Variants in ART1 observed in about 807,000 individuals in gnomAD.
ART1 encodes GPI-linked NAD(P)(+)--arginine ADP-ribosyltransferase 1.
In ART1, 29 loss-of-function variants were observed where a neutral mutation model predicts 27.0. The observed-to-expected ratio is 1.08, with a 90% CI of 0.80 to 1.47. The LOEUF is 1.47. Ranked by LOEUF, ART1 falls within the 40% of genes most tolerant of loss-of-function variation. ART1 has a pLI of 0.00. For synonymous variants in ART1, 201 were observed against 172.2 expected, an observed-to-expected ratio of 1.17 and a Z score of -1.31; for missense variants, 480 against 423.0, an observed-to-expected ratio of 1.13 and a Z score of -1.18.
chr11:3,645,157 TC>T lies in ART1; in HGVS notation c.-71del. On this transcript the variant is annotated 5_prime_UTR_variant, in exon 1 of 5. An upstream open reading frame in the 5' UTR loses its in-frame stop. Transcript: ENST00000250693. Reference sequence around the variant, plus strand: ...GCCATGGTGGAGATCAGCAGCAGCTTCCCCACCCAGGACAAGGCCTAGGTAA... The same window carrying T: ...GCCATGGTGGAGATCAGCAGCAGCTTCCCACCCAGGACAAGGCCTAGGTAA... 6.6e-6 allele frequency: 1 copy of T among 152,040 alleles called. No homozygotes were observed. The highest frequency in any genetic ancestry group is 6.6e-5 in the Admixed American group (1 of 15,264). 9.4% of individuals were successfully genotyped at this position (152,040 alleles called of 1,614,324 possible). A position where few individuals can be genotyped will look rare whatever the true frequency, so the allele number is the denominator to read the frequency against.
intron 1 of ART1, among the ~76,000 whole-genome samples, chr11:3,658,015 G>A (rs61878554): frequency 0.074 from 11,316 of 152,020 alleles, 569 homozygotes; most frequent in Non-Finnish European, 0.11. Flanking sequence ...GTATGTGTAA[G>A]CATGTTTCCT....
In ART1 at chr11:3,659,833, C is replaced by T. The variant is rs35123761; in HGVS notation, c.314C>T (p.Pro105Leu). 0.031 allele frequency: 49,898 copies of T among 1,611,914 alleles called. 2,433 individuals carry two copies. The highest frequency in any genetic ancestry group is 0.2 in the African/African-American group (14,800 of 75,002). ...EWSLSPTRPS[P>L]PPLGFRDEHG... ...AGTCTCAGCCCCACCCGTCCATCCCCGCCACCCCTGGGCTTCCGCGATGAG... is the reference window on the plus strand; with the variant it reads ...AGTCTCAGCCCCACCCGTCCATCCCTGCCACCCCTGGGCTTCCGCGATGAG... The change falls in exon 3 of 5, where the codon CCG (proline) becomes CTG (leucine). Residue 105 changes from proline (P) to leucine (L), a missense_variant. By Grantham distance (98) the Pro-to-Leu change is moderately conservative. Coordinates refer to ENST00000250693, the MANE Select transcript of ART1 (RefSeq NM_004314.3).
At chr11:3,645,622 A>G (rs906865638) in intron 1 of ART1, among the ~76,000 whole-genome samples, 1 of 152,136 alleles carries the variant, frequency 6.6e-6, no homozygotes, top group Admixed American at 6.5e-5. Flanking sequence ...TGCGCTGAGA[A>G]AGTTCCTCAG....
At chr11:3,647,695 A>G (rs544268627) in intron 1 of ART1, among the ~76,000 whole-genome samples, 8 of 152,272 alleles carry the variant, frequency 5.3e-5, no homozygotes, top group Admixed American at 5.2e-4. Context: ...GGATACACAG[A>G]AACTTGGAAG....
Position 3,660,168 on chromosome 11 carries a change from A to G in ART1, c.649A>G (p.Thr217Ala), listed in dbSNP as rs199558962. ...TGCAGCCCAGCAGTTTGGTGAGGAC[A>G]CCTTCTTCGGCATCTGGACCTGCCT... ...HVAAQQFGED[T>A]FFGIWTCLGA... Residue 217 changes from threonine to alanine, a missense_variant, in exon 3 of 5, where the codon ACC becomes GCC. Physicochemically the swap from Thr to Ala is moderately conservative, Grantham distance 58 (BLOSUM62 0). Transcript: ENST00000250693. 6.8e-6 allele frequency: 11 copies of G among 1,613,876 alleles called. No individual in the cohort carries two copies. In the South Asian group the frequency reaches 1.2e-4, roughly 18 times the overall value.
intron 1 of ART1, among the ~76,000 whole-genome samples, chr11:3,657,439 G>A (rs949854841): frequency 5.3e-5 from 8 of 152,122 alleles, no homozygotes; most frequent in Non-Finnish European, 1.0e-4. Context: ...GCCAGGCATC[G>A]TGATGTGTGC....
rs750943398 is a variant in ART1 at position 3,660,334 on chromosome 11, A to T, written c.815A>T (p.His272Leu). The change falls in exon 3 of 5, where the codon CAC (histidine) becomes CTC (leucine). Residue 272 changes from histidine (H) to leucine (L), a missense_variant. By Grantham distance (99) the His-to-Leu change is moderately conservative. Transcript: ENST00000250693. ...ATCTACCTCCGAGCCCTGGGCAAGCACAGCACCTACAACTGCGAGTACATC... is the reference window on the plus strand; with the variant it reads ...ATCTACCTCCGAGCCCTGGGCAAGCTCAGCACCTACAACTGCGAGTACATC... ...ARIYLRALGK[H>L]STYNCEYIKD... The T allele has an allele frequency of 1.2e-6, 2 of 1,604,536 alleles. No homozygotes were observed. The highest frequency in any genetic ancestry group is 1.3e-5 in the African/African-American group (1 of 75,014).
In ART1 at chr11:3,660,284, C is replaced by A. The variant is rs1443616975; in HGVS notation, c.765C>A (p.Ser255Arg). ...PFETFQVINA[S>R]RLAQGPARIY... ...AGACCTTCCAAGTGATCAATGCCAG[C>A]AGACTGGCCCAGGGCCCCGCCCGCA... Residue 255 changes from serine (S) to arginine (R), a missense_variant, in exon 3 of 5, where the codon AGC becomes AGA. Transcript: ENST00000250693. 1 of 1,611,646 alleles carries A rather than the reference C, an allele frequency of 6.2e-7. No homozygotes were observed. The highest frequency in any genetic ancestry group is 1.3e-5 in the African/African-American group (1 of 74,904).
At chr11:3,654,615 T>A (rs2133955584) in intron 1 of ART1, among the ~76,000 whole-genome samples, 12 of 5,748 alleles carry the variant, frequency 2.1e-3, no homozygotes, top group Non-Finnish European at 4.0e-3. Flanking sequence ...CCTACCTCTG[T>A]CTATCCTCAC....
intron 1 of ART1, among the ~76,000 whole-genome samples, chr11:3,652,772 C>A (rs1204860507): frequency 6.6e-6 from 1 of 151,132 alleles, no homozygotes. Flanking sequence ...TTTCTCCAAG[C>A]CATCACAGCT....
chr11:3,648,338 T>G (rs1024734706), intron 1 of ART1, among the ~76,000 whole-genome samples: 10 of 152,162 alleles, frequency 6.6e-5, no homozygotes, highest in Non-Finnish European at 1.5e-4. Context: ...TCGGGGGACC[T>G]CCCTTAGGAG....
chr11:3,648,628 G>A (rs186294182), intron 1 of ART1, among the ~76,000 whole-genome samples: 5 of 152,268 alleles, frequency 3.3e-5, no homozygotes, highest in South Asian at 4.1e-4. Flanking sequence ...AAACTCCGGC[G>A]CCGGTCACGG....
rs370440270 is a variant in ART1, at chr11:3,664,413, C to T, written c.*224C>T. The T allele has an allele frequency of 1.8e-5, 9 of 509,142 alleles. No homozygotes were observed. Among genetic ancestry groups the T allele is most frequent in the African/African-American group, 7.8e-5 (4 of 51,092 alleles). 31.5% of individuals were successfully genotyped at this position (509,142 alleles called of 1,614,324 possible). On this transcript the variant is annotated 3_prime_UTR_variant, in exon 5 of 5. Transcript: ENST00000250693. Reference sequence around the variant, plus strand: ...TGAGACTCTGAATAAAGGGTTGGGCCGGCGGTGTGGCAGGTACTTCAAGAC... The same window carrying T: ...TGAGACTCTGAATAAAGGGTTGGGCTGGCGGTGTGGCAGGTACTTCAAGAC...
In ART1 at chr11:3,659,821, C is replaced by A; in HGVS notation, c.302C>A (p.Thr101Asn). 6.2e-7 allele frequency: 1 copy of A among 1,611,812 alleles called. No homozygotes were observed. Among genetic ancestry groups the A allele is most frequent in the Non-Finnish European group, 8.5e-7 (1 of 1,179,256 alleles). Residue 101 changes from threonine to asparagine, a missense_variant, in exon 3 of 5, where the codon ACC (threonine) becomes AAC (asparagine). Coordinates refer to ENST00000250693, the MANE Select transcript of ART1 (RefSeq NM_004314.3). ...TGGCCAGAGTGGAGTCTCAGCCCCA[C>A]CCGTCCATCCCCGCCACCCCTGGGC... is the stretch of plus-strand genomic sequence containing the variant. ...ARWPEWSLSP[T>N]RPSPPPLGFR...
At position 3,660,178 on chromosome 11, in the gene ART1, G is replaced by T. The variant is rs755793863; in HGVS notation, c.659G>T (p.Gly220Val). Residue 220 changes from glycine to valine, a missense_variant, in exon 3 of 5, where the codon GGC becomes GTC. Coordinates refer to ENST00000250693, the MANE Select transcript of ART1 (RefSeq NM_004314.3). ...AQQFGEDTFF[G>V]IWTCLGAPIK... The stretch of plus-strand genomic sequence containing the variant: ...CAGTTTGGTGAGGACACCTTCTTCG[G>T]CATCTGGACCTGCCTTGGGGCCCCT... The T allele has an allele frequency of 1.1e-5, 18 of 1,613,886 alleles. No individual in the cohort carries two copies. The South Asian group carries it at 1.9e-4, about 17-fold the overall frequency.
At chr11:3,656,950 C>G (rs1232551278) in intron 1 of ART1, among the ~76,000 whole-genome samples, 1 of 152,076 alleles carries the variant, frequency 6.6e-6, no homozygotes, top group Non-Finnish European at 1.5e-5. Context: ...ACTGCTAACC[C>G]CATTGTCCAG....
At position 3,664,087 on chromosome 11, in the gene ART1, T is replaced by G. The variant is rs1373036092; in HGVS notation, c.887-5T>G. The G allele has an allele frequency of 1.2e-6, 2 of 1,613,674 alleles. No homozygotes were observed. Among genetic ancestry groups the G allele is most frequent in the East Asian group, 2.2e-5 (1 of 44,884 alleles). On this transcript the variant is annotated splice_polypyrimidine_tract_variant and splice_region_variant and intron_variant, in intron 4 of 4. Coordinates refer to ENST00000250693, the MANE Select transcript of ART1 (RefSeq NM_004314.3). ...CCCCAACCTCTCTGCCTGTTTTCCC[T>G]GCAGCCATGGGTCAGAGCCCCCTCT...
intron 4 of ART1, among the ~76,000 whole-genome samples, chr11:3,663,076 A>ATCTCATCTCATC (rs1554883212): frequency 0.012 from 904 of 74,464 alleles, 35 homozygotes; most frequent in Non-Finnish European, 0.015. Context: ...ATCTCATCTC[A>ATCTCATCTCATC]TCATCTCATC....
intron 4 of ART1, among the ~76,000 whole-genome samples, chr11:3,663,068 C>CTCATCTCATCTCA (rs2077632994): frequency 8.4e-6 from 1 of 119,310 alleles, no homozygotes; most frequent in Non-Finnish European, 1.7e-5. Context: ...CTCATCTCAT[C>CTCATCTCATCTCA]TCATCTCATC....
Sources: allele counts gnomAD v4.1 joint callset (sites outside exome capture counted in the v4.1 genomes callset), GRCh38; gene constraint gnomAD v4.1.1; transcripts MANE v1.5; gene names NCBI Gene and HGNC (gene_info 2026-07-23, HGNC 2026-07-21).